SMC1B: variants seen among roughly 807,000 people sequenced by gnomAD.
SMC1B encodes structural maintenance of chromosomes 1B.
SMC1B carries 60 observed loss-of-function variants against 157.9 expected under a neutral mutation model. That is an observed-to-expected ratio of 0.38 (90% CI 0.31 to 0.47). The LOEUF is 0.47. SMC1B is among the 20% of genes least tolerant of loss of function. SMC1B has a pLI of 0.99. For missense variants in SMC1B, 1,165 were observed against 1,426.2 expected (o/e 0.82, Z 2.95); for synonymous variants, 445 against 483.0 (o/e 0.92, Z 1.03).
At chr22:45,382,433 A>C (rs2086945522) in intron 12 of SMC1B, among the ~76,000 whole-genome samples, 1 of 152,230 alleles carries the variant, frequency 6.6e-6, no homozygotes, top group South Asian at 2.1e-4. Flanking sequence ...AATGACAGAA[A>C]GTAGATTGGG....
At chr22:45,382,198 G>C (rs769318783) in intron 12 of SMC1B, among the ~76,000 whole-genome samples, 1 of 152,076 alleles carries the variant, frequency 6.6e-6, no homozygotes, top group Non-Finnish European at 1.5e-5. Flanking sequence ...CTAAAATCCA[G>C]AAGTTATAAA....
At position 45,386,861 on chromosome 22, in the gene SMC1B, T is replaced by G; in HGVS notation, c.1911+6A>C. The G allele has an allele frequency of 6.2e-7, 1 of 1,611,640 alleles. No individual in the cohort carries two copies. The highest frequency in any genetic ancestry group is 1.7e-5 in the Admixed American group (1 of 59,828). On this transcript the variant is annotated splice_donor_region_variant and intron_variant, in intron 11 of 24. Coordinates refer to ENST00000357450, the MANE Select transcript of SMC1B (RefSeq NM_148674.5). ...CCAAAGGTGTGATCCAAGCCTCTTTTCTTACTTTCTGTCTTTCAGGTCCAC... is the reference window on the plus strand; with the variant it reads ...CCAAAGGTGTGATCCAAGCCTCTTTGCTTACTTTCTGTCTTTCAGGTCCAC...
chr22:45,409,596 AT>A (rs2087305724), intron 1 of SMC1B, among the ~76,000 whole-genome samples: 1 of 80,120 alleles, frequency 1.2e-5, no homozygotes, highest in African/African-American at 1.4e-4. Context: ...AAATAAATAA[AT>A]AAATAAATAA....
intron 2 of SMC1B, 128 bp downstream of exon 2, chr22:45,408,582 C>T (rs1376327327): frequency 1.7e-6 from 1 of 589,288 alleles, no homozygotes; most frequent in Non-Finnish European, 2.9e-6. Context: ...ATATGCTATG[C>T]AAGAGAAAAA....
At chr22:45,371,884 G>C (rs1028155423) in intron 13 of SMC1B, among the ~76,000 whole-genome samples, 2 of 151,822 alleles carry the variant, frequency 1.3e-5, no homozygotes, top group Non-Finnish European at 2.9e-5. Flanking sequence ...TGGTGAAACC[G>C]CATGTCTACT....
chr22:45,398,953 G>C lies in SMC1B; in HGVS notation c.1113+142C>G, dbSNP rs567659523. ...ATAAATAAATCTAGTTCTGTATACA[G>C]GCTGAAAAATTTAAATCCCCACAAT... On this transcript the variant is annotated intron_variant, in intron 6 of 24. Coordinates refer to ENST00000357450, the MANE Select transcript of SMC1B (RefSeq NM_148674.5). 1.2e-5 allele frequency: 10 copies of C among 823,552 alleles called. No homozygotes were observed. In the African/African-American group the frequency reaches 1.7e-4, roughly 14 times the overall value. The allele number at this position is 823,552 out of a possible 1,614,324, so 51.0% of individuals were successfully genotyped here. A position where few individuals can be genotyped will look rare whatever the true frequency, so the allele number is the denominator to read the frequency against.
intron 9 of SMC1B, among the ~76,000 whole-genome samples, chr22:45,390,473 C>T (rs2087044484): frequency 1.3e-5 from 2 of 151,490 alleles, no homozygotes; most frequent in South Asian, 2.1e-4. Flanking sequence ...TTTGGGAGGC[C>T]GAGGCGGGCA....
At chr22:45,370,770 G>A (rs1236753123) in intron 14 of SMC1B, among the ~76,000 whole-genome samples, 1 of 152,134 alleles carries the variant, frequency 6.6e-6, no homozygotes, top group Non-Finnish European at 1.5e-5. Flanking sequence ...TCTGTTCAGG[G>A]GCATTGATAA....
At chr22:45,385,457 C>G (rs1311547868) in intron 11 of SMC1B, among the ~76,000 whole-genome samples, 3 of 151,902 alleles carry the variant, frequency 2.0e-5, no homozygotes, top group Non-Finnish European at 4.4e-5. Context: ...ATTGTTTGAC[C>G]CAATCTAAAA....
intron 23 of SMC1B, 116 bp downstream of exon 23, chr22:45,349,612 G>C: frequency 1.2e-6 from 1 of 803,168 alleles, no homozygotes; most frequent in South Asian, 1.6e-5. Flanking sequence ...GGGATTACAG[G>C]CGTGAGCCAC....
Position 45,386,870 on chromosome 22 carries a change from C to G in SMC1B, c.1908G>C (p.Gln636His), listed in dbSNP as rs2086994922. ...RHIALSGPERQKTVALDGTLF... is the reference protein window; with the variant it reads ...RHIALSGPERHKTVALDGTLF... ...TGATCCAAGCCTCTTTTCTTACTTT[C>G]TGTCTTTCAGGTCCACTGAGTGCAA... The change falls in exon 11 of 25, where the codon CAG becomes CAC. Residue 636 changes from glutamine to histidine, a missense_variant. Physicochemically the swap from Gln to His is conservative, Grantham distance 24 (BLOSUM62 0). Coordinates refer to ENST00000357450, the MANE Select transcript of SMC1B (RefSeq NM_148674.5). 6 of 1,612,170 alleles carry G rather than the reference C, an allele frequency of 3.7e-6. No homozygotes were observed. In the East Asian group the frequency reaches 1.3e-4, roughly 36 times the overall value.
chr22:45,348,971 T>G (rs1206351574), intron 23 of SMC1B, among the ~76,000 whole-genome samples: 1 of 151,534 alleles, frequency 6.6e-6, no homozygotes, highest in Non-Finnish European at 1.5e-5. Context: ...CCCGAAGTGC[T>G]GAGATTACAG....
At chr22:45,363,103 A>C (rs1166452747) in intron 15 of SMC1B, 77 bp from the exon 16 acceptor site, 2 of 1,057,642 alleles carry the variant, frequency 1.9e-6, no homozygotes, top group South Asian at 1.8e-5. Context: ...GGAAATTTCA[A>C]ACAAATATAA....
chr22:45,390,573 C>T (rs533801508), intron 9 of SMC1B, among the ~76,000 whole-genome samples: 6 of 152,162 alleles, frequency 3.9e-5, no homozygotes, highest in East Asian at 3.9e-4. Flanking sequence ...GGCGTGGTGG[C>T]GCACGCCTGC....
At chr22:45,388,247 GT>G (rs1179447074) in intron 10 of SMC1B, among the ~76,000 whole-genome samples, 1 of 152,124 alleles carries the variant, frequency 6.6e-6, no homozygotes, top group Non-Finnish European at 1.5e-5. Context: ...TAAAATGTGT[GT>G]GTGTATGTGT....
intron 15 of SMC1B, among the ~76,000 whole-genome samples, chr22:45,366,205 G>C (rs1015451394): frequency 6.6e-6 from 1 of 152,116 alleles, no homozygotes; most frequent in African/African-American, 2.4e-5. Flanking sequence ...TGTATTTTTA[G>C]TAGAGATGAT....
chr22:45,383,090 AC>A (rs1443561955), intron 12 of SMC1B, among the ~76,000 whole-genome samples: 2 of 151,776 alleles, frequency 1.3e-5, no homozygotes, highest in African/African-American at 4.8e-5. Flanking sequence ...CCAAGATCGC[AC>A]CATGGCACTC....
At chr22:45,398,421 C>T (rs1229490497) in intron 6 of SMC1B, among the ~76,000 whole-genome samples, 1 of 152,154 alleles carries the variant, frequency 6.6e-6, no homozygotes. Context: ...AGAGTGCAGG[C>T]CAGGTGCGGC....
chr22:45,389,622 C>T (rs1047312692), intron 10 of SMC1B, 90 bp downstream of exon 10: 2 of 1,170,924 alleles, frequency 1.7e-6, no homozygotes, highest in Middle Eastern at 2.4e-4. Context: ...CAATTTTTCT[C>T]TATCACTATC....
Sources: gnomAD v4.1 joint callset for allele counts (sites outside exome capture counted in the v4.1 genomes callset) on GRCh38, gnomAD v4.1.1 for gene constraint, MANE v1.5 for transcripts, NCBI Gene and HGNC (gene_info 2026-07-23, HGNC 2026-07-21) for gene names.